RERE: variants seen among roughly 807,000 people sequenced by gnomAD.
The protein encoded by RERE is arginine-glutamic acid dipeptide repeats.
A neutral mutation model predicts 146.1 loss-of-function variants in RERE; 40 were observed. That is an observed-to-expected ratio of 0.27 (90% CI 0.21 to 0.36). RERE has a LOEUF of 0.36. Ranked by LOEUF, RERE falls within the 10% of genes least tolerant of loss-of-function variation. RERE has a pLI of 1.00. For missense variants in RERE, 1,933 were observed against 2,138.7 expected, an observed-to-expected ratio of 0.90 and a Z score of 1.90; for synonymous variants, 1,003 against 866.0, an observed-to-expected ratio of 1.16 and a Z score of -2.78.
chr1:8,601,929 G>A (rs867039180), intron 4 of RERE, among the ~76,000 whole-genome samples: 3 of 148,772 alleles, frequency 2.0e-5, no homozygotes, highest in African/African-American at 2.4e-5. Context: ...ATCAGGCATC[G>A]AAGAGAAACT....
chr1:8,560,511 T>C (rs767939654), intron 4 of RERE, among the ~76,000 whole-genome samples: 60 of 152,214 alleles, frequency 3.9e-4, no homozygotes, highest in Non-Finnish European at 1.3e-4. Flanking sequence ...TGGGAAGGCC[T>C]GTGGCCCCCT....
At chr1:8,396,487 C>A (rs1162398391) in intron 12 of RERE, among the ~76,000 whole-genome samples, 1 of 152,190 alleles carries the variant, frequency 6.6e-6, no homozygotes, top group African/African-American at 2.4e-5. Context: ...CAGCAGACTT[C>A]TAAAGACTGC....
intron 7 of RERE, among the ~76,000 whole-genome samples, chr1:8,526,387 G>C (rs1048736361): frequency 2.0e-5 from 3 of 148,034 alleles, no homozygotes; most frequent in African/African-American, 7.5e-5. Flanking sequence ...CTACACACAA[G>C]ATCAACTAAT....
At chr1:8,591,245 A>G (rs1489978211) in intron 4 of RERE, among the ~76,000 whole-genome samples, 1 of 152,162 alleles carries the variant, frequency 6.6e-6, no homozygotes, top group Non-Finnish European at 1.5e-5. Context: ...TAAATAACTT[A>G]CTGATGTGAA....
chr1:8,661,454 A>G (rs754973714), intron 1 of RERE, among the ~76,000 whole-genome samples: 4 of 152,168 alleles, frequency 2.6e-5, no homozygotes, highest in Admixed American at 2.6e-4. Context: ...TGAGTAGCAA[A>G]GAAAGGCATG....
intron 3 of RERE, among the ~76,000 whole-genome samples, chr1:8,619,552 T>C (rs1646893807): frequency 6.6e-6 from 1 of 152,234 alleles, no homozygotes; most frequent in African/African-American, 2.4e-5. Flanking sequence ...TGAATTTCCA[T>C]GGAGACTATT....
At chr1:8,635,987 TTTA>T (rs1647097356) in intron 2 of RERE, among the ~76,000 whole-genome samples, 2 of 148,128 alleles carry the variant, frequency 1.4e-5, no homozygotes, top group African/African-American at 2.6e-5. Context: ...CTTATTTTAT[TTTA>T]TTTTATTTTA....
At chr1:8,443,459 G>GAAAAAAAAAAAAAAAAAAAAA (rs144499944) in intron 11 of RERE, among the ~76,000 whole-genome samples, 3 of 112,778 alleles carry the variant, frequency 2.7e-5, no homozygotes, top group African/African-American at 6.6e-5. Flanking sequence ...CTCAAAAAAA[G>GAAAAAAAAAAAAAAAAAAAAA]AAAAAAAAAA....
rs1176635924 is a variant in RERE, at chr1:8,724,875, T to TAAAAAA, written c.-144-68440_-144-68435dup. Among the ~76,000 whole-genome samples the TAAAAAA allele has an allele frequency of 1.4e-3, 167 of 120,730 alleles. 1 individual carries two copies. The highest frequency in any genetic ancestry group is 3.2e-3 in the African/African-American group (105 of 33,192). The allele number at this position is 120,730 out of a possible 152,430, so 79.2% of individuals were successfully genotyped here. A position where few individuals can be genotyped will look rare whatever the true frequency, so the allele number is the denominator to read the frequency against. On this transcript the variant is annotated intron_variant, in intron 1 of 22. Transcript: ENST00000400908. ...TTACCTTTTATTTCTAGATACTTTG[T>TAAAAAA]AAAAAAAAAAAAAAACAACTCAACC...
At chr1:8,522,482 G>A (rs1264029713) in intron 7 of RERE, among the ~76,000 whole-genome samples, 1 of 152,198 alleles carries the variant, frequency 6.6e-6, no homozygotes, top group Admixed American at 6.5e-5. Flanking sequence ...AACAACTAGA[G>A]AATCACAGAC....
At chr1:8,416,122 CCA>C (rs1429411493) in intron 12 of RERE, among the ~76,000 whole-genome samples, 2 of 152,164 alleles carry the variant, frequency 1.3e-5, no homozygotes, top group Non-Finnish European at 2.9e-5. Context: ...GGCCATCCTT[CCA>C]CATAAAAAGG....
At chr1:8,406,486 G>A (rs1376587316) in intron 12 of RERE, among the ~76,000 whole-genome samples, 7 of 152,048 alleles carry the variant, frequency 4.6e-5, no homozygotes, top group Admixed American at 4.6e-4. Flanking sequence ...GTTCATGTGG[G>A]GGGAAAACCA....
At position 8,479,012 on chromosome 1, in the gene RERE, T is replaced by C. The variant is rs1052802242; in HGVS notation, c.1105-12989A>G. 3.3e-5 allele frequency among the ~76,000 whole-genome samples: 5 copies of C among 152,210 alleles called. No individual in the cohort carries two copies. In the South Asian group the frequency reaches 6.2e-4, roughly 19 times the overall value. On this transcript the variant is annotated intron_variant, in intron 10 of 22. Coordinates refer to ENST00000400908, the MANE Select transcript of RERE (RefSeq NM_001042681.2). ...TACTCCCTATTTTATAAATCAAATG[T>C]CCTCACATTACAGAAATATCATAGC...
chr1:8,620,466 A>G (rs1318631447), intron 3 of RERE, among the ~76,000 whole-genome samples: 1 of 152,022 alleles, frequency 6.6e-6, no homozygotes, highest in Non-Finnish European at 1.5e-5. Flanking sequence ...TTTATTTTTA[A>G]TTTTTACAGA....
intron 1 of RERE, among the ~76,000 whole-genome samples, chr1:8,794,753 A>G (rs1484643406): frequency 6.7e-6 from 1 of 148,500 alleles, no homozygotes; most frequent in South Asian, 2.1e-4. Context: ...CAAAACAAAT[A>G]AAAAAAAAAC....
rs1557592145 is a variant in RERE at position 8,366,932 on chromosome 1, A to AAC, written c.1285-959_1285-958insGT. On this transcript the variant is annotated intron_variant, in intron 12 of 22. Transcript: ENST00000400908. ...AAAAAAAAACAAAAAAAAAAAACAAAAAAAAAAAACCCAAAAAACAAACAC... is the reference window on the plus strand; with the variant it reads ...AAAAAAAAACAAAAAAAAAAAACAAAACAAAAAAAAACCCAAAAAACAAACAC... Among the ~76,000 whole-genome samples the AAC allele has an allele frequency of 1.4e-3, 216 of 150,152 alleles. 1 individual carries two copies. The highest frequency in any genetic ancestry group is 5.0e-3 in the African/African-American group (201 of 40,430).
At chr1:8,431,271 T>C (rs772955966) in intron 11 of RERE, among the ~76,000 whole-genome samples, 20 of 152,194 alleles carry the variant, frequency 1.3e-4, no homozygotes, top group African/African-American at 4.8e-4. Context: ...CTCTACCTCC[T>C]GTCACATCAG....
At chr1:8,494,312 T>C (rs186442415) in intron 10 of RERE, among the ~76,000 whole-genome samples, 2 of 152,320 alleles carry the variant, frequency 1.3e-5, no homozygotes, top group Non-Finnish European at 2.9e-5. Context: ...AATAAATACA[T>C]GGTCTCAGAA....
At chr1:8,750,606 A>T (rs1377798846) in intron 1 of RERE, 13 of 989,702 alleles carry the variant, frequency 1.3e-5, no homozygotes, top group Non-Finnish European at 1.9e-5. Flanking sequence ...TATCACAAGG[A>T]ATATAGGCAG....
Sources: gnomAD v4.1 joint callset for allele counts (sites outside exome capture counted in the v4.1 genomes callset) on GRCh38, gnomAD v4.1.1 for gene constraint, MANE v1.5 for transcripts, NCBI Gene and HGNC (gene_info 2026-07-23, HGNC 2026-07-21) for gene names.